Variants in WFDC2 observed in about 807,000 individuals in gnomAD.
WFDC2 encodes WAP four-disulfide core domain 2, also known as WAP four-disulfide core domain protein 2.
In WFDC2, 8 loss-of-function variants were observed where a neutral mutation model predicts 12.5. That is an observed-to-expected ratio of 0.64 (90% CI 0.37 to 1.15). The LOEUF (loss-of-function observed/expected upper bound fraction) is 1.15. WFDC2 is among the 50% of genes most tolerant of loss of function. The pLI, the probability that WFDC2 is intolerant of heterozygous loss-of-function variation, is 0.01. For missense variants in WFDC2, 166 were observed against 159.9 expected, an observed-to-expected ratio of 1.04 and a Z score of -0.21; for synonymous variants, 74 against 67.2, an observed-to-expected ratio of 1.10 and a Z score of -0.49.
rs148814930 is a variant in WFDC2, at chr20:45,470,408, T to C, written c.99T>C (p.Thr33=). The change falls in exon 2 of 4, where the codon ACT becomes ACC. Residue 33 remains threonine, a synonymous_variant. Coordinates refer to ENST00000372676, the MANE Select transcript of WFDC2 (RefSeq NM_006103.4). This position sits in a 1 kb window ranked among gnomAD's most constrained non-coding sequence, Gnocchi z 5.4. ...TCCCAGGCACAGGAGCAGAGAAGAC[T>C]GGCGTGTGCCCCGAGCTCCAGGCTG... ...TLVSGTGAEK[T]GVCPELQADQ... The C allele has an allele frequency of 6.4e-5, 102 of 1,589,994 alleles. No homozygotes were observed. Among genetic ancestry groups the C allele is most frequent in the Non-Finnish European group, 8.3e-5 (97 of 1,167,466 alleles).
In WFDC2 at chr20:45,479,983, C is replaced by G; in HGVS notation, c.265C>G (p.Gln89Glu). ...SCPQVNINFP[Q>E]LGLCRDQCQV... ...CCCCCAGGTGAACATTAACTTTCCC[C>G]AGCTCGGCCTCTGTCGGGACCAGTG... The change falls in exon 3 of 4, where the codon CAG becomes GAG. Residue 89 changes from glutamine to glutamate, a missense_variant. Physicochemically the swap from Gln to Glu is conservative, Grantham distance 29. Coordinates refer to ENST00000372676, the MANE Select transcript of WFDC2 (RefSeq NM_006103.4). The G allele has an allele frequency of 6.2e-7, 1 of 1,614,232 alleles. No homozygotes were observed. The highest frequency in any genetic ancestry group is 8.5e-7 in the Non-Finnish European group (1 of 1,180,036).
chr20:45,470,265 G>C lies in WFDC2; in HGVS notation c.80-124G>C. 1 of 1,358,072 alleles carries C rather than the reference G, an allele frequency of 7.4e-7. No homozygotes were observed. 84.1% of individuals were successfully genotyped at this position (1,358,072 alleles called of 1,614,324 possible). A position where few individuals can be genotyped will look rare whatever the true frequency, so the allele number is the denominator to read the frequency against. ...CTGGAAGAAGGAGTCTCTGGGGGCTGTAAGGGGACTCCTAGGGCCAGAGAC... is the reference window on the plus strand; with the variant it reads ...CTGGAAGAAGGAGTCTCTGGGGGCTCTAAGGGGACTCCTAGGGCCAGAGAC... On this transcript the variant is annotated intron_variant, in intron 1 of 3. Transcript: ENST00000372676. This position sits in a 1 kb window ranked among gnomAD's most constrained non-coding sequence, Gnocchi z 5.4.
At position 45,470,385 on chromosome 20, in the gene WFDC2, C is replaced by A. The variant is rs879172287; in HGVS notation, c.80-4C>A. 4.4e-6 allele frequency: 7 copies of A among 1,581,346 alleles called. No homozygotes were observed. Among genetic ancestry groups the A allele is most frequent in the East Asian group, 2.3e-5 (1 of 43,246 alleles). On this transcript the variant is annotated splice_region_variant and splice_polypyrimidine_tract_variant and intron_variant, in intron 1 of 3. Transcript: ENST00000372676. The surrounding 1 kb of genome is among the most constrained non-coding windows in gnomAD (Gnocchi z 5.4). ...CCTCGACTGTCCCGGGCCTCCCCTC[C>A]CAGGCACAGGAGCAGAGAAGACTGG...
chr20:45,480,381 G>A (rs758716732), intron 3 of WFDC2, among the ~76,000 whole-genome samples: 11 of 151,618 alleles, frequency 7.3e-5, no homozygotes, highest in Admixed American at 3.3e-4. Context: ...TGAGGTGTGC[G>A]GATCACCTGA....
At chr20:45,478,449 T>G (rs1991260273) in intron 2 of WFDC2, among the ~76,000 whole-genome samples, 1 of 152,122 alleles carries the variant, frequency 6.6e-6, no homozygotes, top group Non-Finnish European at 1.5e-5. Context: ...CCAGGTGAGA[T>G]GATGCCCTAC....
intron 2 of WFDC2, among the ~76,000 whole-genome samples, chr20:45,473,221 A>G (rs1202728453): frequency 3.3e-5 from 5 of 152,112 alleles, no homozygotes; most frequent in African/African-American, 1.2e-4. Context: ...TTTTGTTGCC[A>G]TTGCTTTTGG....
intron 3 of WFDC2, among the ~76,000 whole-genome samples, chr20:45,480,594 G>A (rs2145508287): frequency 6.6e-6 from 1 of 152,268 alleles, no homozygotes; most frequent in East Asian, 1.9e-4. Context: ...TCCAGCCTGG[G>A]CAACAAGAGC....
chr20:45,471,260 C>G, intron 2 of WFDC2: 1 of 448,388 alleles, frequency 2.2e-6, no homozygotes, highest in Non-Finnish European at 4.8e-6. Flanking sequence ...TGAGTGAGCG[C>G]GAGCTGGGGA....
chr20:45,471,025 G>A (rs1991165405), intron 2 of WFDC2: 1 of 412,746 alleles, frequency 2.4e-6, no homozygotes, highest in African/African-American at 2.1e-5. Flanking sequence ...ACAGATTTAG[G>A]AAAATGCCCC....
chr20:45,475,425 T>A (rs936261043), intron 2 of WFDC2, among the ~76,000 whole-genome samples: 43 of 152,334 alleles, frequency 2.8e-4, no homozygotes, highest in African/African-American at 9.6e-4. Flanking sequence ...CTGCCTTGAT[T>A]TTGTTATTTA....
intron 2 of WFDC2, among the ~76,000 whole-genome samples, chr20:45,472,094 T>G (rs1203793415): frequency 6.6e-6 from 1 of 151,938 alleles, no homozygotes; most frequent in Non-Finnish European, 1.5e-5. Flanking sequence ...TATTAGGAAG[T>G]CAAGACTGTT....
At position 45,476,409 on chromosome 20, in the gene WFDC2, G is replaced by C. The variant is rs1361349870; in HGVS notation, c.224-3533G>C. Among the ~76,000 whole-genome samples the C allele has an allele frequency of 3.3e-5, 5 of 152,152 alleles. No homozygotes were observed. In the East Asian group the frequency reaches 7.7e-4, roughly 23 times the overall value. Reference sequence around the variant, plus strand: ...CCCTCAGCATTTGTTTGTCTATAAAGGATTTTATTTCTCCTTCATGTATGA... The same window carrying C: ...CCCTCAGCATTTGTTTGTCTATAAACGATTTTATTTCTCCTTCATGTATGA... On this transcript the variant is annotated intron_variant, in intron 2 of 3. Coordinates refer to ENST00000372676, the MANE Select transcript of WFDC2 (RefSeq NM_006103.4).
At position 45,472,158 on chromosome 20, in the gene WFDC2, G is replaced by A. The variant is rs1361702808; in HGVS notation, c.223+1626G>A. 4.6e-5 allele frequency among the ~76,000 whole-genome samples: 7 copies of A among 152,064 alleles called. 1 individual carries two copies. The highest frequency in any genetic ancestry group is 2.6e-4 in the Admixed American group (4 of 15,276). Reference sequence around the variant, plus strand: ...TTATGCTTTAAGTTCTGGGGTACACGTGCAGAACGTGCAGGTTTGTTACAT... The same window carrying A: ...TTATGCTTTAAGTTCTGGGGTACACATGCAGAACGTGCAGGTTTGTTACAT... On this transcript the variant is annotated intron_variant, in intron 2 of 3. Coordinates refer to ENST00000372676, the MANE Select transcript of WFDC2 (RefSeq NM_006103.4).
At chr20:45,472,282 C>A (rs140281793) in intron 2 of WFDC2, among the ~76,000 whole-genome samples, 1 of 152,180 alleles carries the variant, frequency 6.6e-6, no homozygotes, top group Non-Finnish European at 1.5e-5. Context: ...CCCAACCCCC[C>A]GACAGGCCCT....
chr20:45,478,699 C>T lies in WFDC2; in HGVS notation c.224-1243C>T, dbSNP rs551759301. Among the ~76,000 whole-genome samples, 6 of 152,092 alleles carry T rather than the reference C, an allele frequency of 3.9e-5. No individual in the cohort carries two copies. The East Asian group carries it at 1.2e-3, about 29-fold the overall frequency. ...GGAGTGCAGTGGCATGATCTCAGCT[C>T]ACTACAACCTCTGTCTCCCAGGTGC... On this transcript the variant is annotated intron_variant, in intron 2 of 3. Coordinates refer to ENST00000372676, the MANE Select transcript of WFDC2 (RefSeq NM_006103.4).
At chr20:45,478,789 T>C (rs1393415764) in intron 2 of WFDC2, among the ~76,000 whole-genome samples, 1 of 151,926 alleles carries the variant, frequency 6.6e-6, no homozygotes, top group Non-Finnish European at 1.5e-5. Flanking sequence ...CCACGCCCAG[T>C]TAACTTTTTT....
rs946108022 is a variant in WFDC2 at position 45,470,834 on chromosome 20, G to T, written c.223+302G>T. Among the ~76,000 whole-genome samples the T allele has an allele frequency of 6.6e-6, 1 of 152,172 alleles. No individual in the cohort carries two copies. The highest frequency in any genetic ancestry group is 2.4e-5 in the African/African-American group (1 of 41,452). ...GTTCCCCGCGGCCTGGGGACCCGGG[G>T]CCGCAGTTTCCTTCTCGAACCGGCC... On this transcript the variant is annotated intron_variant, in intron 2 of 3. Coordinates refer to ENST00000372676, the MANE Select transcript of WFDC2 (RefSeq NM_006103.4). The surrounding 1 kb of genome is among the most constrained non-coding windows in gnomAD (Gnocchi z 5.4).
In WFDC2 at chr20:45,470,032, A is replaced by C. The variant is rs1374828461; in HGVS notation, c.79+172A>C. Among the ~76,000 whole-genome samples the C allele has an allele frequency of 6.6e-6, 1 of 151,984 alleles. No homozygotes were observed. Among genetic ancestry groups the C allele is most frequent in the African/African-American group, 2.4e-5 (1 of 41,374 alleles). ...GGGGTCCAATGTGCTGGAGGTGGAGAGACCACTGATGGCTGCAATTTGGGA... is the reference window on the plus strand; with the variant it reads ...GGGGTCCAATGTGCTGGAGGTGGAGCGACCACTGATGGCTGCAATTTGGGA... On this transcript the variant is annotated intron_variant, in intron 1 of 3. Transcript: ENST00000372676. This position sits in a 1 kb window ranked among gnomAD's most constrained non-coding sequence, Gnocchi z 5.4.
At chr20:45,479,505 T>C (rs1600849455) in intron 2 of WFDC2, 3 of 649,474 alleles carry the variant, frequency 4.6e-6, no homozygotes, top group Admixed American at 2.6e-5. Context: ...AGGGGCTTGA[T>C]ACCTGGCATG....
Sources: allele counts gnomAD v4.1 joint callset (sites outside exome capture counted in the v4.1 genomes callset), GRCh38; gene constraint gnomAD v4.1.1; non-coding constraint Gnocchi (gnomAD v3.1); transcripts MANE v1.5; gene names NCBI Gene and HGNC (gene_info 2026-07-23, HGNC 2026-07-21).